FAM83B: variants seen among roughly 807,000 people sequenced by gnomAD.
The protein encoded by FAM83B is protein FAM83B.
Under a neutral mutation model 38.8 loss-of-function variants are expected in FAM83B, and 26 were observed. The observed-to-expected ratio is 0.67, with a 90% CI of 0.49 to 0.93. The LOEUF (loss-of-function observed/expected upper bound fraction) is 0.93, where lower values mean the gene tolerates loss of function less well. Ranked by LOEUF, FAM83B falls within the 40% of genes least tolerant of loss-of-function variation. The pLI is 0.00. For missense variants in FAM83B, 1,237 were observed against 1,197.3 expected (o/e 1.03, Z -0.49); for synonymous variants, 419 against 423.1 (o/e 0.99, Z 0.12).
At chr6:54,888,476 A>C (rs1192162557) in intron 2 of FAM83B, among the ~76,000 whole-genome samples, 4 of 151,860 alleles carry the variant, frequency 2.6e-5, no homozygotes, top group African/African-American at 9.7e-5. Context: ...AAATGTGTTT[A>C]TTTCTCCTTC....
At chr6:54,860,362 C>G (rs1472358008) in intron 1 of FAM83B, among the ~76,000 whole-genome samples, 1 of 152,234 alleles carries the variant, frequency 6.6e-6, no homozygotes, top group East Asian at 1.9e-4. Flanking sequence ...CTCACTTCCT[C>G]TATACTCCTA....
At chr6:54,897,473 A>C (rs901392377) in intron 2 of FAM83B, among the ~76,000 whole-genome samples, 4 of 152,212 alleles carry the variant, frequency 2.6e-5, no homozygotes, top group African/African-American at 9.6e-5. Context: ...AAGGCCCTAA[A>C]ATTTTTTTTT....
Position 54,936,913 on chromosome 6 carries a change from G to A in FAM83B, c.735-2793G>A, listed in dbSNP as rs533662302. ...CTTTTATACCATTTCTTTTAAGTCAGCCCAGTGGCATAATAAATATTCCTT... is the reference window on the plus strand; with the variant it reads ...CTTTTATACCATTTCTTTTAAGTCAACCCAGTGGCATAATAAATATTCCTT... On this transcript the variant is annotated intron_variant, in intron 4 of 4. Transcript: ENST00000306858. 2.0e-5 allele frequency among the ~76,000 whole-genome samples: 3 copies of A among 146,604 alleles called. No individual in the cohort carries two copies. The South Asian group carries it at 6.8e-4, about 33-fold the overall frequency.
At chr6:54,856,744 G>A (rs1440606455) in intron 1 of FAM83B, among the ~76,000 whole-genome samples, 5 of 152,084 alleles carry the variant, frequency 3.3e-5, no homozygotes, top group African/African-American at 1.2e-4. Context: ...AACATAAAGA[G>A]AAAAGCACTT....
chr6:54,858,707 T>G (rs181070225), intron 1 of FAM83B, among the ~76,000 whole-genome samples: 10 of 152,352 alleles, frequency 6.6e-5, no homozygotes, highest in African/African-American at 2.2e-4. Context: ...TTTATTTTTT[T>G]ATGATTAATG....
intron 2 of FAM83B, among the ~76,000 whole-genome samples, chr6:54,900,916 G>A (rs961947285): frequency 3.3e-5 from 5 of 152,300 alleles, no homozygotes; most frequent in Admixed American, 2.0e-4. Context: ...CAGCAGGCAC[G>A]CGTGGGCTCA....
At chr6:54,870,037 A>G (rs914600917) in intron 1 of FAM83B, 150 bp from the exon 2 acceptor site, 2 of 519,232 alleles carry the variant, frequency 3.9e-6, no homozygotes, top group Admixed American at 3.2e-5. Context: ...TTGTGGTGCT[A>G]TTAATGTCAT....
intron 4 of FAM83B, among the ~76,000 whole-genome samples, chr6:54,937,141 CT>C (rs1240143211): frequency 6.6e-6 from 1 of 151,432 alleles, no homozygotes; most frequent in Non-Finnish European, 1.5e-5. Context: ...GAGAGTGTCT[CT>C]TTTTTCTTTT....
intron 2 of FAM83B, among the ~76,000 whole-genome samples, chr6:54,904,314 G>T (rs1161192470): frequency 6.6e-6 from 1 of 152,220 alleles, no homozygotes; most frequent in African/African-American, 2.4e-5. Flanking sequence ...TTCTTCAAAA[G>T]CAGCCAGTAG....
At chr6:54,896,559 G>A (rs1002455678) in intron 2 of FAM83B, among the ~76,000 whole-genome samples, 2 of 152,236 alleles carry the variant, frequency 1.3e-5, no homozygotes, top group African/African-American at 4.8e-5. Flanking sequence ...TTAGCTTGAC[G>A]TCTAAAAGGA....
intron 4 of FAM83B, among the ~76,000 whole-genome samples, chr6:54,930,713 T>C (rs893340379): frequency 1.3e-5 from 2 of 152,046 alleles, no homozygotes; most frequent in African/African-American, 4.8e-5. Context: ...TCTTGAACCT[T>C]TCAGAATTTC....
At chr6:54,933,913 T>C (rs1370335597) in intron 4 of FAM83B, among the ~76,000 whole-genome samples, 1 of 152,040 alleles carries the variant, frequency 6.6e-6, no homozygotes, top group Non-Finnish European at 1.5e-5. Flanking sequence ...GTCTGGGGGC[T>C]GGGGGAAAAG....
intron 2 of FAM83B, among the ~76,000 whole-genome samples, chr6:54,908,840 C>G (rs1480295463): frequency 6.6e-6 from 1 of 152,110 alleles, no homozygotes; most frequent in Non-Finnish European, 1.5e-5. Context: ...TGTTCTGGAA[C>G]CCCTCAGGTA....
At chr6:54,847,486 C>A (rs1343561532) in intron 1 of FAM83B, among the ~76,000 whole-genome samples, 3 of 152,088 alleles carry the variant, frequency 2.0e-5, no homozygotes, top group Admixed American at 2.0e-4. Flanking sequence ...TAGCAGCTCT[C>A]CAGGAGAGCC....
chr6:54,863,439 G>A (rs1307244198), intron 1 of FAM83B, among the ~76,000 whole-genome samples: 1 of 150,770 alleles, frequency 6.6e-6, no homozygotes, highest in Non-Finnish European at 1.5e-5. Context: ...TTCCTGGTGA[G>A]CACCATGAGG....
At chr6:54,846,995 G>T (rs1229785817) in intron 1 of FAM83B, among the ~76,000 whole-genome samples, 169 bp downstream of exon 1, 1 of 152,178 alleles carries the variant, frequency 6.6e-6, no homozygotes, top group Non-Finnish European at 1.5e-5. Context: ...AGGCGGGATT[G>T]GAAATTCCAC....
At chr6:54,928,180 C>T (rs985424644) in intron 4 of FAM83B, among the ~76,000 whole-genome samples, 7 of 152,074 alleles carry the variant, frequency 4.6e-5, no homozygotes, top group Admixed American at 1.3e-4. Flanking sequence ...AGTGAGGCTA[C>T]ATAAACAGGC....
chr6:54,920,166 C>T (rs1371918258), intron 2 of FAM83B, among the ~76,000 whole-genome samples: 2 of 151,618 alleles, frequency 1.3e-5, no homozygotes, highest in African/African-American at 4.8e-5. Flanking sequence ...TTATATCAGC[C>T]TCATTTTTTT....
chr6:54,939,760 A>C lies in FAM83B; in HGVS notation c.789A>C (p.Gly263=). ...TCAGCATGGTTCAGATAATTACAGG[A>C]CAACTTGTTGAGTCCTTTGATGAAG... ...AHLSMVQIIT[G]QLVESFDEEF... Residue 263 remains glycine (G), a synonymous_variant, in exon 5 of 5, where the codon GGA becomes GGC. Coordinates refer to ENST00000306858, the MANE Select transcript of FAM83B (RefSeq NM_001010872.3). The C allele has an allele frequency of 6.2e-7, 1 of 1,613,784 alleles. No individual in the cohort carries two copies. Among genetic ancestry groups the C allele is most frequent in the South Asian group, 1.1e-5 (1 of 91,038 alleles).
Sources: gnomAD v4.1 joint callset for allele counts (sites outside exome capture counted in the v4.1 genomes callset) on GRCh38, gnomAD v4.1.1 for gene constraint, MANE v1.5 for transcripts, NCBI Gene and HGNC (gene_info 2026-07-23, HGNC 2026-07-21) for gene names.